SLC71A2: variants seen among roughly 807,000 people sequenced by gnomAD.
SLC71A2 encodes the protein solute carrier family 71 member 2, also known as hippocampus abundant transcript-like 1.
At chr9:94,427,487 AATG>A in the SLC71A2 span, among the ~76,000 whole-genome samples, 2 of 149,790 alleles carry the variant, frequency 1.3e-5, no homozygotes, top group African/African-American at 5.0e-5. Flanking sequence ...GCCAAATTAA[AATG>A]ATGATCTCTT....
At chr9:94,391,924 C>T in the SLC71A2 span, among the ~76,000 whole-genome samples, 17 of 152,006 alleles carry the variant, frequency 1.1e-4, no homozygotes, top group Non-Finnish European at 2.1e-4. Context: ...CACTAAATTG[C>T]CCAGGCTGGT....
the SLC71A2 span, chr9:94,440,887 T>A: frequency 1.5e-6 from 1 of 665,982 alleles, no homozygotes; most frequent in Non-Finnish European, 2.6e-6. Flanking sequence ...GTATACTTAT[T>A]TCTTGGTGCG....
chr9:94,421,446 C>T, the SLC71A2 span, among the ~76,000 whole-genome samples: 1 of 152,106 alleles, frequency 6.6e-6, no homozygotes, highest in East Asian at 1.9e-4. Context: ...TGGAATCATA[C>T]AATGTATACT....
the SLC71A2 span, among the ~76,000 whole-genome samples, chr9:94,410,762 A>C: frequency 6.6e-6 from 1 of 152,054 alleles, no homozygotes; most frequent in South Asian, 2.1e-4. Flanking sequence ...AATTAGCAAA[A>C]ATTTTAAAAT....
chr9:94,414,868 C>A, the SLC71A2 span, among the ~76,000 whole-genome samples: 1 of 151,988 alleles, frequency 6.6e-6, no homozygotes, highest in Non-Finnish European at 1.5e-5. Context: ...CTATGTTAAC[C>A]ATGCTGGTCT....
At chr9:94,396,360 C>A in the SLC71A2 span, among the ~76,000 whole-genome samples, 12 of 152,076 alleles carry the variant, frequency 7.9e-5, no homozygotes, top group African/African-American at 2.7e-4. Context: ...TACTAAAATA[C>A]AAAAATTAGC....
chr9:94,391,061 C>T, the SLC71A2 span, among the ~76,000 whole-genome samples: 1 of 151,854 alleles, frequency 6.6e-6, no homozygotes. Context: ...AAAAGAGCTT[C>T]TGGACCAGGG....
At chr9:94,444,669 AATAAG>A in the SLC71A2 span, among the ~76,000 whole-genome samples, 1 of 152,234 alleles carries the variant, frequency 6.6e-6, no homozygotes, top group Non-Finnish European at 1.5e-5. Flanking sequence ...TTTTGTTTGT[AATAAG>A]ATAATCCTTT....
the SLC71A2 span, among the ~76,000 whole-genome samples, chr9:94,451,018 C>A: frequency 3.3e-5 from 5 of 152,172 alleles, no homozygotes; most frequent in African/African-American, 1.2e-4. Context: ...CTCTCCTTCC[C>A]TTGCTCTCCT....
At chr9:94,435,975 C>T in the SLC71A2 span, among the ~76,000 whole-genome samples, 1 of 37,456 alleles carries the variant, frequency 2.7e-5, no homozygotes, top group Non-Finnish European at 5.3e-5. Context: ...AAAAGGCTTT[C>T]TTTACTTGCT....
the SLC71A2 span, among the ~76,000 whole-genome samples, chr9:94,389,512 C>G: frequency 6.6e-6 from 1 of 151,310 alleles, no homozygotes; most frequent in African/African-American, 2.4e-5. Context: ...CTCCTGACCT[C>G]AAGTGTTCTG....
chr9:94,414,217 A>G, the SLC71A2 span, among the ~76,000 whole-genome samples: 1 of 152,152 alleles, frequency 6.6e-6, no homozygotes, highest in Admixed American at 6.6e-5. Context: ...TGATGGAATA[A>G]GATTTGTATT....
chr9:94,438,416 T>G, the SLC71A2 span: 1 of 1,614,168 alleles, frequency 6.2e-7, no homozygotes, highest in East Asian at 2.2e-5. Context: ...GCTCTCTTTT[T>G]TGAGTGCCCC....
the SLC71A2 span, among the ~76,000 whole-genome samples, chr9:94,421,999 G>A: frequency 9.9e-5 from 15 of 151,964 alleles, no homozygotes. Flanking sequence ...CAGCAGCTCC[G>A]CCTCCTGGGT....
chr9:94,414,143 G>T, the SLC71A2 span, among the ~76,000 whole-genome samples: 2 of 152,190 alleles, frequency 1.3e-5, no homozygotes, highest in Non-Finnish European at 2.9e-5. Flanking sequence ...GTGTGTACAG[G>T]AATGAGAGCA....
At chr9:94,420,751 T>G in the SLC71A2 span, among the ~76,000 whole-genome samples, 1 of 151,838 alleles carries the variant, frequency 6.6e-6, no homozygotes, top group Admixed American at 6.6e-5. Context: ...ATATAAAAAG[T>G]AGCCAGGCAT....
At chr9:94,438,160 A>G in the SLC71A2 span, among the ~76,000 whole-genome samples, 1 of 148,708 alleles carries the variant, frequency 6.7e-6, no homozygotes, top group South Asian at 2.2e-4. Context: ...CTGGTCTTGA[A>G]CTCCTGACCT....
chr9:94,454,332 A>G, the SLC71A2 span, among the ~76,000 whole-genome samples: 1 of 152,094 alleles, frequency 6.6e-6, no homozygotes, highest in African/African-American at 2.4e-5. Context: ...CAGCCCCCAA[A>G]TAAAGTTTTA....
the SLC71A2 span, among the ~76,000 whole-genome samples, chr9:94,427,935 A>G: frequency 2.6e-5 from 4 of 151,316 alleles, no homozygotes; most frequent in South Asian, 8.4e-4. Flanking sequence ...CAGCCTGGCC[A>G]ATATGGTGAA....
Sources: gnomAD v4.1 joint callset for allele counts (sites outside exome capture counted in the v4.1 genomes callset) on GRCh38, gnomAD v4.1.1 for gene constraint, MANE v1.5 for transcripts, NCBI Gene and HGNC (gene_info 2026-07-23, HGNC 2026-07-21) for gene names.